UGT1A8: variants seen among roughly 807,000 people sequenced by gnomAD.
UGT1A8 encodes UDP glucuronosyltransferase family 1 member A8.
In UGT1A8, 39 loss-of-function variants were observed where a neutral mutation model predicts 45.3. That is an observed-to-expected ratio of 0.86 (90% CI 0.67 to 1.12). UGT1A8 has a LOEUF of 1.12. Among genes scored for constraint, UGT1A8 ranks in the 50% most tolerant of loss-of-function variants. The pLI is 0.00. For missense variants in UGT1A8, 719 were observed against 664.9 expected (o/e 1.08, Z -0.90); for synonymous variants, 275 against 249.2 (o/e 1.10, Z -0.97).
chr2:233,680,877 T>C (rs573475501), intron 1 of UGT1A8, among the ~76,000 whole-genome samples: 6 of 151,842 alleles, frequency 4.0e-5, no homozygotes, highest in Admixed American at 6.6e-5. Flanking sequence ...TGGGCAAGCA[T>C]AGGGACGGCG....
intron 1 of UGT1A8, among the ~76,000 whole-genome samples, chr2:233,745,147 T>C (rs1693024972): frequency 6.6e-6 from 1 of 151,864 alleles, no homozygotes; most frequent in Non-Finnish European, 1.5e-5. Flanking sequence ...CCCAAGTATA[T>C]GGAGGGTCAA....
intron 1 of UGT1A8, chr2:233,729,157 T>C (rs3821242): frequency 0.46 from 737,600 of 1,613,154 alleles, 172,577 homozygotes; most frequent in African/African-American, 0.64. Flanking sequence ...TCCCCTGCCG[T>C]GGCTGGCCAC....
intron 1 of UGT1A8, among the ~76,000 whole-genome samples, chr2:233,681,552 AAAT>A (rs1422207100): frequency 6.6e-6 from 1 of 151,662 alleles, no homozygotes; most frequent in Non-Finnish European, 1.5e-5. Context: ...AAAAAAAAAA[AAAT>A]TGCAAATTTT....
At chr2:233,632,794 T>C (rs1000994747) in intron 1 of UGT1A8, among the ~76,000 whole-genome samples, 1 of 152,198 alleles carries the variant, frequency 6.6e-6, no homozygotes, top group Non-Finnish European at 1.5e-5. Context: ...CAATTTGACT[T>C]TCTCTCTTCC....
intron 1 of UGT1A8, chr2:233,672,256 C>T: frequency 1.2e-6 from 2 of 1,614,158 alleles, no homozygotes; most frequent in South Asian, 2.2e-5. Context: ...TATATATTCT[C>T]TATTAATGGG....
intron 1 of UGT1A8, chr2:233,693,199 G>A: frequency 6.2e-7 from 1 of 1,614,108 alleles, no homozygotes; most frequent in Non-Finnish European, 8.5e-7. Context: ...AAGTTAATTT[G>A]CTTTTGAAAG....
intron 1 of UGT1A8, among the ~76,000 whole-genome samples, chr2:233,721,183 C>G (rs1370349767): frequency 6.6e-6 from 1 of 152,146 alleles, no homozygotes; most frequent in East Asian, 1.9e-4. Flanking sequence ...GATCAAACCA[C>G]AAGATATTTG....
intron 1 of UGT1A8, among the ~76,000 whole-genome samples, chr2:233,669,817 G>A (rs1049017627): frequency 2.6e-5 from 4 of 152,048 alleles, no homozygotes; most frequent in Non-Finnish European, 5.9e-5. Flanking sequence ...CAGAGTAGCT[G>A]GGATTACAGG....
chr2:233,630,333 A>T (rs2073164474), intron 1 of UGT1A8, among the ~76,000 whole-genome samples: 1 of 152,050 alleles, frequency 6.6e-6, no homozygotes. Context: ...CAAGGATTAT[A>T]CCCCGAGGTT....
chr2:233,637,216 T>C, intron 1 of UGT1A8: 1 of 1,613,964 alleles, frequency 6.2e-7, no homozygotes. Context: ...AGAAATAGCC[T>C]CTGAAATTCT....
intron 1 of UGT1A8, among the ~76,000 whole-genome samples, chr2:233,730,760 A>T (rs890717703): frequency 1.3e-5 from 2 of 152,118 alleles, no homozygotes; most frequent in Non-Finnish European, 1.5e-5. Flanking sequence ...TAAGACTGTG[A>T]ATCTATAAGC....
intron 1 of UGT1A8, among the ~76,000 whole-genome samples, chr2:233,730,263 G>C (rs45449797): frequency 1.3e-5 from 2 of 152,070 alleles, no homozygotes; most frequent in South Asian, 2.1e-4. Context: ...AGAGACTGTT[G>C]GTTTGTAAAG....
At chr2:233,760,684 A>G in intron 1 of UGT1A8, 1 of 1,614,204 alleles carries the variant, frequency 6.2e-7, no homozygotes, top group Non-Finnish European at 8.5e-7. Context: ...CTTACTGCAC[A>G]ACAAGGAGCT....
At chr2:233,679,494 A>G (rs1200585007) in intron 1 of UGT1A8, among the ~76,000 whole-genome samples, 1 of 152,178 alleles carries the variant, frequency 6.6e-6, no homozygotes, top group Non-Finnish European at 1.5e-5. Context: ...TTCCTGCCTT[A>G]CATTCTGGTG....
At chr2:233,686,284 T>C (rs749400272) in intron 1 of UGT1A8, among the ~76,000 whole-genome samples, 8 of 151,910 alleles carry the variant, frequency 5.3e-5, no homozygotes, top group Admixed American at 1.3e-4. Flanking sequence ...TACAAGAAAC[T>C]AAAACAAGAA....
At chr2:233,632,148 T>A (rs1013883996) in intron 1 of UGT1A8, among the ~76,000 whole-genome samples, 1 of 152,196 alleles carries the variant, frequency 6.6e-6, no homozygotes, top group Non-Finnish European at 1.5e-5. Context: ...TGGTTGTAGA[T>A]GTGTGGCATA....
chr2:233,666,658 T>C (rs1208029534), intron 1 of UGT1A8, among the ~76,000 whole-genome samples: 1 of 152,190 alleles, frequency 6.6e-6, no homozygotes, highest in Admixed American at 6.5e-5. Context: ...TTTTATTTTT[T>C]ATTATTGTAC....
intron 1 of UGT1A8, among the ~76,000 whole-genome samples, chr2:233,716,770 G>A (rs1477452949): frequency 1.3e-5 from 2 of 152,158 alleles, no homozygotes; most frequent in African/African-American, 2.4e-5. Context: ...GATCACTCAG[G>A]TCAGGCTTTC....
intron 1 of UGT1A8, among the ~76,000 whole-genome samples, chr2:233,650,529 G>A (rs990702661): frequency 1.3e-5 from 2 of 152,220 alleles, no homozygotes; most frequent in Admixed American, 6.5e-5. Flanking sequence ...GTCTGCTGGT[G>A]TAGGCTTTAT....
Sources: allele counts gnomAD v4.1 joint callset (sites outside exome capture counted in the v4.1 genomes callset), GRCh38; gene constraint gnomAD v4.1.1; transcripts MANE v1.5; gene names NCBI Gene and HGNC (gene_info 2026-07-23, HGNC 2026-07-21).